SIK2: variants seen among roughly 807,000 people sequenced by gnomAD.
SIK2 encodes serine/threonine-protein kinase SIK2.
In SIK2, 29 loss-of-function variants were observed where a neutral mutation model predicts 103.2. That is an observed-to-expected ratio of 0.28 (90% confidence interval 0.21 to 0.38). The LOEUF (loss-of-function observed/expected upper bound fraction) is 0.38. SIK2 is among the 10% of genes least tolerant of loss of function. SIK2 has a pLI of 1.00. For missense variants in SIK2, 879 were observed against 1,171.0 expected (o/e 0.75, Z 3.64); for synonymous variants, 412 against 446.1 (o/e 0.92, Z 0.96).
intron 3 of SIK2, among the ~76,000 whole-genome samples, chr11:111,667,318 G>A (rs1227387469): frequency 6.6e-6 from 1 of 152,016 alleles, no homozygotes; most frequent in Non-Finnish European, 1.5e-5. Flanking sequence ...TGCAGTGCCA[G>A]AAATGAATAC....
chr11:111,720,508 C>T lies in SIK2; in HGVS notation c.1526C>T (p.Ser509Phe). 6.2e-7 allele frequency: 1 copy of T among 1,610,742 alleles called. No individual in the cohort carries two copies. Among genetic ancestry groups the T allele is most frequent in the South Asian group, 1.1e-5 (1 of 90,202 alleles). The change falls in exon 11 of 15, where the codon TCC becomes TTC. Residue 509 changes from serine to phenylalanine, a missense_variant. By Grantham distance (155) the Ser-to-Phe change is radical (BLOSUM62 -2). Coordinates refer to ENST00000304987, the MANE Select transcript of SIK2 (RefSeq NM_015191.3). ...ATTTTCTCCATGAATGACAGCCCCT[C>T]CCTTGACAGTGTGGACTCTGAGTAT... Reference protein sequence around the residue: ...GKIFSMNDSPSLDSVDSEYDM... With the variant: ...GKIFSMNDSPFLDSVDSEYDM...
chr11:111,723,369 C>T (rs1808713354), intron 14 of SIK2, 127 bp from the exon 15 acceptor site: 3 of 1,033,742 alleles, frequency 2.9e-6, no homozygotes, highest in South Asian at 1.7e-5. Flanking sequence ...CCCATTCCCA[C>T]TTGTTTTTGC....
At chr11:111,717,669 A>G (rs926453016) in intron 9 of SIK2, among the ~76,000 whole-genome samples, 1 of 152,228 alleles carries the variant, frequency 6.6e-6, no homozygotes, top group Non-Finnish European at 1.5e-5. Context: ...TCTATTCACA[A>G]CAGCAAAGAC....
chr11:111,700,788 T>C (rs1943194756), intron 4 of SIK2, 98 bp from the exon 5 acceptor site: 1 of 1,422,526 alleles, frequency 7.0e-7, no homozygotes, highest in Admixed American at 1.9e-5. Context: ...TAAATAGTAG[T>C]GATATTGTTA....
In SIK2 at chr11:111,722,763, A is replaced by G. The variant is rs569931219; in HGVS notation, c.2147+7A>G. On this transcript the variant is annotated splice_region_variant and intron_variant, in intron 14 of 14. Transcript: ENST00000304987. The surrounding 1 kb of genome is among the most constrained non-coding windows in gnomAD (Gnocchi z 4.4). Reference sequence around the variant, plus strand: ...AGCAGCTGCAGGAACATAGGTGAGAAGGGGACTTTGGCCAAAGAAGTTGCT... The same window carrying G: ...AGCAGCTGCAGGAACATAGGTGAGAGGGGGACTTTGGCCAAAGAAGTTGCT... The G allele has an allele frequency of 2.2e-5, 35 of 1,612,578 alleles. No homozygotes were observed. The South Asian group carries it at 3.7e-4, about 17-fold the overall frequency.
At chr11:111,713,875 G>T (rs1943568680) in intron 9 of SIK2, among the ~76,000 whole-genome samples, 1 of 152,156 alleles carries the variant, frequency 6.6e-6, no homozygotes, top group South Asian at 2.1e-4. Flanking sequence ...GCTGAGGCAA[G>T]AGAATTGCTT....
chr11:111,662,970 T>C (rs1023137187), intron 3 of SIK2, among the ~76,000 whole-genome samples: 2 of 151,338 alleles, frequency 1.3e-5, no homozygotes, highest in African/African-American at 2.4e-5. Flanking sequence ...CAGTGGCTCA[T>C]ACCTGTAATC....
intron 3 of SIK2, among the ~76,000 whole-genome samples, chr11:111,629,125 T>C (rs1209841727): frequency 6.6e-6 from 1 of 152,214 alleles, no homozygotes; most frequent in East Asian, 1.9e-4. Flanking sequence ...AAGATGTTAG[T>C]TGTCAGAATC....
At chr11:111,617,104 A>G (rs955259885) in intron 2 of SIK2, among the ~76,000 whole-genome samples, 2 of 152,156 alleles carry the variant, frequency 1.3e-5, no homozygotes, top group Non-Finnish European at 2.9e-5. Context: ...TTTGTAAAAT[A>G]AATTGAACTC....
chr11:111,622,348 C>T (rs531562254), intron 3 of SIK2, among the ~76,000 whole-genome samples: 4 of 143,264 alleles, frequency 2.8e-5, no homozygotes, highest in Non-Finnish European at 4.5e-5. Flanking sequence ...CTCCGCCTCC[C>T]AGGTTCACGC....
intron 2 of SIK2, among the ~76,000 whole-genome samples, chr11:111,616,763 T>C (rs1334579167): frequency 6.6e-6 from 1 of 152,066 alleles, no homozygotes; most frequent in East Asian, 1.9e-4. Context: ...GGAGGATTGC[T>C]TGAGGTTGCA....
chr11:111,655,432 TTCC>T (rs1321833278), intron 3 of SIK2, among the ~76,000 whole-genome samples: 1 of 152,188 alleles, frequency 6.6e-6, no homozygotes, highest in African/African-American at 2.4e-5. Context: ...TATGTTTCTC[TTCC>T]TTTGTTTGCC....
At position 111,688,032 on chromosome 11, in the gene SIK2, G is replaced by T; in HGVS notation, c.348G>T (p.Glu116Asp). The change falls in exon 4 of 15, where the codon GAG becomes GAT. Residue 116 changes from glutamate (E) to aspartate (D), a missense_variant. Physicochemically the swap from Glu to Asp is conservative, Grantham distance 45. Transcript: ENST00000304987. This position sits in a 1 kb window ranked among gnomAD's most constrained non-coding sequence, Gnocchi z 4.2. ...DYLANHGRLNESEARRKFWQI... is the reference protein window; with the variant it reads ...DYLANHGRLNDSEARRKFWQI... ...TTGCTAATCATGGCCGGTTAAATGAGTCTGAAGCCAGGCGAAAATTCTGGC... is the reference window on the plus strand; with the variant it reads ...TTGCTAATCATGGCCGGTTAAATGATTCTGAAGCCAGGCGAAAATTCTGGC... 6.2e-7 allele frequency: 1 copy of T among 1,614,174 alleles called. No homozygotes were observed. Among genetic ancestry groups the T allele is most frequent in the South Asian group, 1.1e-5 (1 of 91,078 alleles).
chr11:111,617,346 A>G (rs1173875946), intron 2 of SIK2, among the ~76,000 whole-genome samples: 2 of 152,176 alleles, frequency 1.3e-5, no homozygotes, highest in East Asian at 3.8e-4. Context: ...GAAAACAATT[A>G]TTTCTTAACA....
At chr11:111,644,072 G>A (rs1170423218) in intron 3 of SIK2, among the ~76,000 whole-genome samples, 6 of 151,740 alleles carry the variant, frequency 4.0e-5, no homozygotes, top group Non-Finnish European at 8.8e-5. Flanking sequence ...CGGATCACGA[G>A]GTCAGGAGTC....
Position 111,705,250 on chromosome 11 carries a change from T to C in SIK2, c.1101+111T>C. On this transcript the variant is annotated intron_variant, in intron 8 of 14. Coordinates refer to ENST00000304987, the MANE Select transcript of SIK2 (RefSeq NM_015191.3). The surrounding 1 kb of genome is among the most constrained non-coding windows in gnomAD (Gnocchi z 4.3). ...GATTTCATCCTCTACACTCCGTTTT[T>C]CTGTAAAATTTCTGCCTGCCATTCA... 8.4e-7 allele frequency: 1 copy of C among 1,186,112 alleles called. No homozygotes were observed. Among genetic ancestry groups the C allele is most frequent in the Non-Finnish European group, 1.1e-6 (1 of 914,286 alleles). The allele number at this position is 1,186,112 out of a possible 1,614,324, so 73.5% of individuals were successfully genotyped here.
intron 3 of SIK2, among the ~76,000 whole-genome samples, chr11:111,641,707 G>A (rs554707233): frequency 2.0e-5 from 3 of 152,218 alleles, no homozygotes; most frequent in African/African-American, 7.2e-5. Flanking sequence ...ATCTTCTGCA[G>A]TTCCTCCTTG....
rs575327763 is a variant in SIK2, at chr11:111,729,370, C to T, written c.*5241C>T. 2 of 152,376 alleles carry T rather than the reference C, an allele frequency of 1.3e-5. No homozygotes were observed. Among genetic ancestry groups the T allele is most frequent in the South Asian group, 2.1e-4 (1 of 4,826 alleles). 9.4% of individuals were successfully genotyped at this position (152,376 alleles called of 1,614,324 possible). Reference sequence around the variant, plus strand: ...CTCTGCTCGCCCACCCACAAGGGAGCAATAGCTTATATTTGTACATTAGTT... The same window carrying T: ...CTCTGCTCGCCCACCCACAAGGGAGTAATAGCTTATATTTGTACATTAGTT... On this transcript the variant is annotated 3_prime_UTR_variant, in exon 15 of 15. Transcript: ENST00000304987.
In SIK2 at chr11:111,730,349, G is replaced by A. The variant is rs1225613021; in HGVS notation, c.*6220G>A. On this transcript the variant is annotated 3_prime_UTR_variant, in exon 15 of 15. Coordinates refer to ENST00000304987, the MANE Select transcript of SIK2 (RefSeq NM_015191.3). Reference sequence around the variant, plus strand: ...TCAAGTGGTGAGACCTTTCCACCATGGGTGGTAAGAGAAACCTGCCTTCAC... The same window carrying A: ...TCAAGTGGTGAGACCTTTCCACCATAGGTGGTAAGAGAAACCTGCCTTCAC... The A allele has an allele frequency of 2.0e-5, 3 of 152,194 alleles. No individual in the cohort carries two copies. The highest frequency in any genetic ancestry group is 4.4e-5 in the Non-Finnish European group (3 of 68,044). The allele number at this position is 152,194 out of a possible 1,614,324, so 9.4% of individuals were successfully genotyped here.
Sources: allele counts gnomAD v4.1 joint callset (sites outside exome capture counted in the v4.1 genomes callset), GRCh38; gene constraint gnomAD v4.1.1; non-coding constraint Gnocchi (gnomAD v3.1); transcripts MANE v1.5; gene names NCBI Gene and HGNC (gene_info 2026-07-23, HGNC 2026-07-21).